Variants in IL17B observed in about 807,000 individuals in gnomAD.
IL17B encodes interleukin 17B.
IL17B carries 14 observed loss-of-function variants against 14.7 expected under a neutral mutation model. That is an observed-to-expected ratio of 0.95 (90% CI 0.63 to 1.49). IL17B has a LOEUF of 1.49. IL17B is among the 40% of genes most tolerant of loss of function. IL17B has a pLI of 0.00. For missense variants in IL17B, 233 were observed against 252.8 expected, an observed-to-expected ratio of 0.92 and a Z score of 0.53; for synonymous variants, 105 against 94.8, an observed-to-expected ratio of 1.11 and a Z score of -0.62.
At chr5:149,398,981 T>G (rs1303190418) in intron 1 of IL17B, among the ~76,000 whole-genome samples, 1 of 152,192 alleles carries the variant, frequency 6.6e-6, no homozygotes, top group Non-Finnish European at 1.5e-5. Context: ...AGGCACTTCT[T>G]ACGTGGCAGC....
chr5:149,389,147 T>A (rs1185514826), intron 1 of IL17B, among the ~76,000 whole-genome samples: 1 of 152,254 alleles, frequency 6.6e-6, no homozygotes, highest in Admixed American at 6.5e-5. Flanking sequence ...ACCAGTTTAA[T>A]TTCTTTGAAG....
intron 1 of IL17B, among the ~76,000 whole-genome samples, chr5:149,394,126 C>T (rs1054034917): frequency 6.6e-6 from 1 of 152,170 alleles, no homozygotes; most frequent in African/African-American, 2.4e-5. Flanking sequence ...AAAACGTACA[C>T]ATTTTTGCAA....
upstream of IL17B, among the ~76,000 whole-genome samples, chr5:149,380,381 A>G (rs571320322): frequency 6.6e-5 from 10 of 152,358 alleles, no homozygotes; most frequent in Non-Finnish European, 1.3e-4. Flanking sequence ...TATAATTATT[A>G]TAAACATTAG....
intron 2 of IL17B, among the ~76,000 whole-genome samples, chr5:149,376,400 C>T (rs1263696756): frequency 3.9e-5 from 6 of 152,192 alleles, no homozygotes; most frequent in East Asian, 1.9e-4. Flanking sequence ...CTGAGAAGGG[C>T]GTCCGAGGCC....
chr5:149,390,311 C>A (rs1758914622), intron 1 of IL17B, among the ~76,000 whole-genome samples: 1 of 151,112 alleles, frequency 6.6e-6, no homozygotes, highest in Non-Finnish European at 1.5e-5. Flanking sequence ...TCTAAGGAGG[C>A]AACAGGTGGG....
chr5:149,392,784 TTC>T lies in IL17B; in HGVS notation n.95+11322_95+11323del, dbSNP rs562487258. 1.2e-3 allele frequency among the ~76,000 whole-genome samples: 187 copies of T among 152,342 alleles called. 4 individuals carry two copies. The highest frequency in any genetic ancestry group is 4.3e-4 in the Non-Finnish European group (29 of 68,028). ...TTACTGTATGCTGTGGATCATTTCA[TTC>T]TCTCTCTTTCTCTCCCTCTGGAGGC... On this transcript the variant is annotated intron_variant and non_coding_transcript_variant, in intron 1 of 2. Transcript: ENST00000505432.
chr5:149,398,932 C>T (rs138622244), intron 1 of IL17B, among the ~76,000 whole-genome samples: 2,139 of 152,294 alleles, frequency 0.014, 57 homozygotes, highest in African/African-American at 0.045. Context: ...CACAGTTCCA[C>T]ATGGCTGGGG....
upstream of IL17B, among the ~76,000 whole-genome samples, chr5:149,380,106 C>A (rs1758652347): frequency 6.6e-6 from 1 of 152,174 alleles, no homozygotes; most frequent in Non-Finnish European, 1.5e-5. Context: ...TGCATGTGAG[C>A]TTTACTGTCA....
chr5:149,377,137 C>A (rs911698067), intron 1 of IL17B, 112 bp from the exon 2 acceptor site: 149 of 832,280 alleles, frequency 1.8e-4, no homozygotes, highest in Middle Eastern at 2.7e-4. Context: ...AGGCTCAGGT[C>A]TGACTCTGCC....
At position 149,374,330 on chromosome 5, in the gene IL17B, T is replaced by A; in HGVS notation, c.*39A>T. On this transcript the variant is annotated 3_prime_UTR_variant, in exon 3 of 3. Transcript: ENST00000261796. The surrounding 1 kb of genome is among the most constrained non-coding windows in gnomAD (Gnocchi z 5.0). ...TCTTGGCACAAAGGTGCAAGGAGGA[T>A]GGTCTCGGGCTGCTGGCCTGGCTTC... 2 of 1,504,060 alleles carry A rather than the reference T, an allele frequency of 1.3e-6. No homozygotes were observed. The highest frequency in any genetic ancestry group is 1.2e-5 in the South Asian group (1 of 80,172). 93.2% of individuals were successfully genotyped at this position (1,504,060 alleles called of 1,614,324 possible).
intron 1 of IL17B, among the ~76,000 whole-genome samples, chr5:149,395,426 A>G (rs1759073031): frequency 6.6e-6 from 1 of 152,200 alleles, no homozygotes; most frequent in Non-Finnish European, 1.5e-5. Flanking sequence ...GCTCACGGAA[A>G]TTCATTCCAC....
chr5:149,375,269 G>T (rs927978214), intron 2 of IL17B, among the ~76,000 whole-genome samples: 1 of 152,118 alleles, frequency 6.6e-6, no homozygotes, highest in Non-Finnish European at 1.5e-5. Flanking sequence ...TTCCCTCCTG[G>T]TGCTCTCAGG....
rs558323379 is a variant in IL17B at position 149,377,817 on chromosome 5, G to A, written c.22-792C>T. On this transcript the variant is annotated intron_variant, in intron 1 of 2. Coordinates refer to ENST00000261796, the MANE Select transcript of IL17B (RefSeq NM_014443.3). The stretch of plus-strand genomic sequence containing the variant: ...TGCAGGTGTGGGAGGGGTGGGTTGG[G>A]GGAAGATGAGAGAGGAGGTTTGAAC... Among the ~76,000 whole-genome samples the A allele has an allele frequency of 2.0e-5, 3 of 152,152 alleles. No homozygotes were observed. The East Asian group carries it at 5.8e-4, about 29-fold the overall frequency.
chr5:149,398,942 G>A (rs1759153560), intron 1 of IL17B, among the ~76,000 whole-genome samples: 1 of 152,200 alleles, frequency 6.6e-6, no homozygotes, highest in Non-Finnish European at 1.5e-5. Context: ...CATGGCTGGG[G>A]AGGCCTCACA....
chr5:149,392,612 G>A (rs1191157034), intron 1 of IL17B, among the ~76,000 whole-genome samples: 1 of 152,182 alleles, frequency 6.6e-6, no homozygotes, highest in African/African-American at 2.4e-5. Flanking sequence ...TTTTCTCTGG[G>A]GAGGGGAATG....
upstream of IL17B, among the ~76,000 whole-genome samples, chr5:149,380,939 G>A (rs1758678993): frequency 6.6e-6 from 1 of 152,214 alleles, no homozygotes; most frequent in African/African-American, 2.4e-5. Context: ...CAGAGGGAGG[G>A]GTACTCTGAA....
At chr5:149,378,103 C>A (rs1396485554) in intron 1 of IL17B, among the ~76,000 whole-genome samples, 1 of 152,092 alleles carries the variant, frequency 6.6e-6, no homozygotes. Flanking sequence ...GAGATCACAC[C>A]ACTGCACTCC....
rs181153954 is a variant in IL17B at position 149,397,853 on chromosome 5, T to G, written n.95+6255A>C. 2.3e-3 allele frequency among the ~76,000 whole-genome samples: 345 copies of G among 152,250 alleles called. 2 individuals carry two copies. The highest frequency in any genetic ancestry group is 2.9e-3 in the Non-Finnish European group (195 of 68,016). On this transcript the variant is annotated intron_variant and non_coding_transcript_variant, in intron 1 of 2. Transcript: ENST00000505432. ...GTCCAAAAGCTGGCAAGCCTGGAGT[T>G]CTGATGCTCAAAGCAGCAGAAAAGT... is the stretch of plus-strand genomic sequence containing the variant.
chr5:149,384,522 G>A (rs754059637), intron 1 of IL17B, among the ~76,000 whole-genome samples: 1 of 152,172 alleles, frequency 6.6e-6, no homozygotes, highest in South Asian at 2.1e-4. Context: ...AAGCACAGAC[G>A]ATGAACCAGA....
Sources: allele counts gnomAD v4.1 joint callset (sites outside exome capture counted in the v4.1 genomes callset), GRCh38; gene constraint gnomAD v4.1.1; non-coding constraint Gnocchi (gnomAD v3.1); transcripts MANE v1.5; gene names NCBI Gene and HGNC (gene_info 2026-07-23, HGNC 2026-07-21).